ADGRD1: variants seen among roughly 807,000 people sequenced by gnomAD.
ADGRD1 encodes G-protein coupled receptor 133.
Under a neutral mutation model 113.4 loss-of-function variants are expected in ADGRD1, and 77 were observed. The observed-to-expected ratio is 0.68, with a 90% CI of 0.57 to 0.82. The LOEUF (loss-of-function observed/expected upper bound fraction) is 0.82, where lower values mean the gene tolerates loss of function less well. ADGRD1 is among the 40% of genes least tolerant of loss of function. ADGRD1 has a pLI of 0.00. For missense variants in ADGRD1, 1,036 were observed against 1,139.1 expected (o/e 0.91, Z 1.30); for synonymous variants, 474 against 475.0 (o/e 1.00, Z 0.03).
At position 131,003,125 on chromosome 12, in the gene ADGRD1, C is replaced by A; in HGVS notation, c.1027-60C>A. On this transcript the variant is annotated intron_variant, in intron 9 of 24. Coordinates refer to ENST00000261654, the MANE Select transcript of ADGRD1 (RefSeq NM_198827.5). This position sits in a 1 kb window ranked among gnomAD's most constrained non-coding sequence, Gnocchi z 4.8. ...TGATTTTGTGTGCCTGGTGCACCTG[C>A]CTGGTGCCCTGGCTGAGTGGGGTGG... The A allele has an allele frequency of 1.5e-6, 2 of 1,330,922 alleles. No homozygotes were observed. The highest frequency in any genetic ancestry group is 1.7e-5 in the Admixed American group (1 of 59,464). The allele number at this position is 1,330,922 out of a possible 1,614,324, so 82.4% of individuals were successfully genotyped here. A position where few individuals can be genotyped will look rare whatever the true frequency, so the allele number is the denominator to read the frequency against.
chr12:131,065,265 G>A (rs1422805104), intron 13 of ADGRD1, among the ~76,000 whole-genome samples: 2 of 152,182 alleles, frequency 1.3e-5, no homozygotes, highest in Non-Finnish European at 2.9e-5. Context: ...GGGTGGCTTG[G>A]GAAGCGATTG....
chr12:131,105,435 T>C (rs796186621), intron 16 of ADGRD1, among the ~76,000 whole-genome samples: 1 of 152,020 alleles, frequency 6.6e-6, no homozygotes, highest in South Asian at 2.1e-4. Context: ...GTTTACTGCA[T>C]GGGAACAGCT....
At chr12:131,038,817 C>T (rs1881815705) in intron 13 of ADGRD1, among the ~76,000 whole-genome samples, 1 of 152,206 alleles carries the variant, frequency 6.6e-6, no homozygotes, top group Non-Finnish European at 1.5e-5. Context: ...TGTCCCCCAA[C>T]CTGCTGATTT....
chr12:131,009,809 CAT>C (rs1877643429), intron 12 of ADGRD1, among the ~76,000 whole-genome samples: 1 of 152,074 alleles, frequency 6.6e-6, no homozygotes, highest in East Asian at 1.9e-4. Context: ...TGTGTGTGTA[CAT>C]GTGTGGTATG....
chr12:131,059,693 C>T (rs555844106), intron 13 of ADGRD1, among the ~76,000 whole-genome samples: 6 of 152,254 alleles, frequency 3.9e-5, no homozygotes, highest in South Asian at 2.1e-4. Flanking sequence ...CATGCTCAGC[C>T]GGGTACATAT....
At position 131,131,814 on chromosome 12, in the gene ADGRD1, C is replaced by G. The variant is rs534330751; in HGVS notation, c.2265C>G (p.Phe755Leu). The G allele has an allele frequency of 6.2e-7, 1 of 1,604,870 alleles. No individual in the cohort carries two copies. Among genetic ancestry groups the G allele is most frequent in the Admixed American group, 1.7e-5 (1 of 59,992 alleles). The part of the protein sequence containing the change: ...NYKIHGDPSA[F>L]KLTAKAVAVL... ...AGATCCATGGAGACCCCAGTGCCTTCAAGTAAGTTGACCTCAGGCTGCCAG... is the reference window on the plus strand; with the variant it reads ...AGATCCATGGAGACCCCAGTGCCTTGAAGTAAGTTGACCTCAGGCTGCCAG... The change falls in exon 21 of 25, where the codon TTC (phenylalanine) becomes TTG (leucine). Residue 755 changes from phenylalanine to leucine, a missense_variant and splice_region_variant. Phe to Leu is a conservative substitution (Grantham distance 22, BLOSUM62 0). Coordinates refer to ENST00000261654, the MANE Select transcript of ADGRD1 (RefSeq NM_198827.5).
At position 131,003,024 on chromosome 12, in the gene ADGRD1, G is replaced by A. The variant is rs906073167; in HGVS notation, c.1027-161G>A. 3.3e-5 allele frequency among the ~76,000 whole-genome samples: 5 copies of A among 152,150 alleles called. No individual in the cohort carries two copies. The highest frequency in any genetic ancestry group is 2.0e-4 in the Admixed American group (3 of 15,278). On this transcript the variant is annotated intron_variant, in intron 9 of 24. Transcript: ENST00000261654. The surrounding 1 kb of genome is among the most constrained non-coding windows in gnomAD (Gnocchi z 4.8). ...GAGCTCAGTCGGGTGTGTGGCCTCC[G>A]TGTGGTCCCCTCCTGATCCATGGGA...
At chr12:131,062,261 G>A (rs1385688302) in intron 13 of ADGRD1, among the ~76,000 whole-genome samples, 1 of 152,154 alleles carries the variant, frequency 6.6e-6, no homozygotes, top group African/African-American at 2.4e-5. Context: ...CCAAAGTGCT[G>A]GGATTATAGG....
At position 130,967,013 on chromosome 12, in the gene ADGRD1, C is replaced by T. The variant is rs1227665134; in HGVS notation, c.187+467C>T. The T allele has an allele frequency of 2.0e-5, 9 of 455,468 alleles. No homozygotes were observed. The Admixed American group carries it at 2.1e-4, about 11-fold the overall frequency. The allele number at this position is 455,468 out of a possible 1,614,324, so 28.2% of individuals were successfully genotyped here. A position where few individuals can be genotyped will look rare whatever the true frequency, so the allele number is the denominator to read the frequency against. On this transcript the variant is annotated intron_variant, in intron 3 of 24. Transcript: ENST00000261654. Reference sequence around the variant, plus strand: ...AAATATGATTAAAATGTGCATTTTCCCCAACAATCTTGAAACAGAAGCTGG... The same window carrying T: ...AAATATGATTAAAATGTGCATTTTCTCCAACAATCTTGAAACAGAAGCTGG...
intron 2 of ADGRD1, among the ~76,000 whole-genome samples, chr12:130,963,731 T>TA (rs1192151788): frequency 6.6e-6 from 1 of 151,784 alleles, no homozygotes; most frequent in Non-Finnish European, 1.5e-5. Flanking sequence ...CTGATACTAT[T>TA]AAAAAATTCT....
intron 13 of ADGRD1, among the ~76,000 whole-genome samples, chr12:131,076,061 T>C (rs1198948330): frequency 6.6e-6 from 1 of 151,566 alleles, no homozygotes; most frequent in Non-Finnish European, 1.5e-5. Flanking sequence ...AGCTGCAGAG[T>C]CCTCCGAGCT....
At chr12:131,093,475 C>T (rs1887050624) in intron 15 of ADGRD1, among the ~76,000 whole-genome samples, 2 of 152,212 alleles carry the variant, frequency 1.3e-5, no homozygotes, top group Non-Finnish European at 2.9e-5. Flanking sequence ...CCAGGTGCAG[C>T]CTTGAGCCTC....
intron 13 of ADGRD1, among the ~76,000 whole-genome samples, chr12:131,064,871 A>T (rs1057261889): frequency 1.3e-5 from 2 of 152,218 alleles, no homozygotes; most frequent in African/African-American, 4.8e-5. Flanking sequence ...TTTTGGGTAC[A>T]CTGGTCTGGG....
intron 13 of ADGRD1, among the ~76,000 whole-genome samples, chr12:131,052,273 G>C (rs1475712938): frequency 2.6e-5 from 4 of 152,166 alleles, no homozygotes; most frequent in African/African-American, 7.2e-5. Context: ...CCTGCACCGA[G>C]TCCCACCCTG....
At chr12:131,016,452 C>T (rs1878582830) in intron 13 of ADGRD1, among the ~76,000 whole-genome samples, 1 of 152,240 alleles carries the variant, frequency 6.6e-6, no homozygotes, top group South Asian at 2.1e-4. Context: ...CCTGCACAGG[C>T]TGTCCCCTCT....
chr12:131,044,104 A>G (rs1251867692), intron 13 of ADGRD1, among the ~76,000 whole-genome samples: 1 of 152,152 alleles, frequency 6.6e-6, no homozygotes, highest in Non-Finnish European at 1.5e-5. Context: ...GTTTCCATAG[A>G]GTGAACTGAA....
chr12:131,005,761 G>C (rs1039876633), intron 11 of ADGRD1, among the ~76,000 whole-genome samples: 1 of 124,758 alleles, frequency 8.0e-6, no homozygotes, highest in Non-Finnish European at 1.7e-5. Flanking sequence ...AGCTGGCTCA[G>C]GGGATGGAGC....
At position 131,131,819 on chromosome 12, in the gene ADGRD1, A is replaced by G. The variant is rs769328269; in HGVS notation, c.2267+3A>G. On this transcript the variant is annotated splice_donor_region_variant and intron_variant, in intron 21 of 24. Transcript: ENST00000261654. ...CATGGAGACCCCAGTGCCTTCAAGT[A>G]AGTTGACCTCAGGCTGCCAGCAGTG... 14 of 1,597,492 alleles carry G rather than the reference A, an allele frequency of 8.8e-6. No homozygotes were observed. In the African/African-American group the frequency reaches 1.9e-4, roughly 21 times the overall value.
At chr12:131,093,081 C>T (rs73149904) in intron 15 of ADGRD1, among the ~76,000 whole-genome samples, 7,355 of 151,842 alleles carry the variant, frequency 0.048, 203 homozygotes, top group East Asian at 0.08. Flanking sequence ...CGCTCTTCTG[C>T]TTTTAGGAGA....
Sources: gnomAD v4.1 joint callset for allele counts (sites outside exome capture counted in the v4.1 genomes callset) on GRCh38, gnomAD v4.1.1 for gene constraint, Gnocchi (gnomAD v3.1) non-coding constraint, MANE v1.5 for transcripts, NCBI Gene and HGNC (gene_info 2026-07-23, HGNC 2026-07-21) for gene names.